TLN2: variants seen among roughly 807,000 people sequenced by gnomAD.
TLN2 encodes talin 2.
A neutral mutation model predicts 294.7 loss-of-function variants in TLN2; 118 were observed. That is an observed-to-expected ratio of 0.40 (90% CI 0.34 to 0.47). The LOEUF (loss-of-function observed/expected upper bound fraction) is 0.47. TLN2 is among the 20% of genes least tolerant of loss of function. TLN2 has a pLI of 0.84. For synonymous variants in TLN2, 1,431 were observed against 1,304.5 expected (o/e 1.10, Z -2.09); for missense variants, 3,083 against 3,282.2 (o/e 0.94, Z 1.48).
intron 1 of TLN2, among the ~76,000 whole-genome samples, chr15:62,482,083 G>A (rs117013299): frequency 0.017 from 2,636 of 151,996 alleles, 30 homozygotes; most frequent in Non-Finnish European, 0.027. Context: ...GTGAGCCACC[G>A]CACCTGGCTA....
intron 1 of TLN2, among the ~76,000 whole-genome samples, chr15:62,576,255 C>A (rs2044382557): frequency 1.1e-5 from 1 of 87,060 alleles, no homozygotes; most frequent in Non-Finnish European, 2.3e-5. Flanking sequence ...AAGAGTGAGA[C>A]CCCGTCTCAA....
chr15:62,507,048 G>T (rs2039657226), intron 1 of TLN2, among the ~76,000 whole-genome samples: 1 of 152,158 alleles, frequency 6.6e-6, no homozygotes, highest in African/African-American at 2.4e-5. Context: ...TTGGTCAGCT[G>T]ATATAAGGAT....
At chr15:62,772,921 C>A (rs931642807) in intron 42 of TLN2, among the ~76,000 whole-genome samples, 2 of 152,092 alleles carry the variant, frequency 1.3e-5, no homozygotes, top group East Asian at 3.9e-4. Context: ...TCCTCAGCCT[C>A]CCAAAGTGCT....
chr15:62,659,124 TG>T (rs1596535762), intron 9 of TLN2, among the ~76,000 whole-genome samples: 1 of 152,204 alleles, frequency 6.6e-6, no homozygotes, highest in East Asian at 1.9e-4. Context: ...GATGCCACCA[TG>T]GTCATTTTAT....
chr15:62,745,917 AC>A (rs1347747896), intron 32 of TLN2, among the ~76,000 whole-genome samples: 3 of 152,216 alleles, frequency 2.0e-5, no homozygotes, highest in Non-Finnish European at 4.4e-5. Context: ...GATCAGTATT[AC>A]CCAAGCATCT....
At chr15:62,413,651 A>T (rs976830005) in intron 1 of TLN2, among the ~76,000 whole-genome samples, 51 of 152,208 alleles carry the variant, frequency 3.4e-4, no homozygotes, top group African/African-American at 8.9e-4. Context: ...CTGCAGGGAC[A>T]GGTGCACATT....
At chr15:62,415,579 ACCCC>A (rs2034025943) in intron 1 of TLN2, among the ~76,000 whole-genome samples, 2 of 101,710 alleles carry the variant, frequency 2.0e-5, no homozygotes, top group Admixed American at 1.3e-4. Context: ...CATTCATTTA[ACCCC>A]TGCTTGCCCC....
chr15:62,716,226 A>G (rs533314770), intron 22 of TLN2, 105 bp from the exon 23 acceptor site: 24 of 1,266,354 alleles, frequency 1.9e-5, no homozygotes, highest in African/African-American at 6.2e-5. Flanking sequence ...GCATTTGACT[A>G]TCCTTGCAAA....
intron 1 of TLN2, among the ~76,000 whole-genome samples, chr15:62,470,096 G>A (rs1032389067): frequency 8.5e-5 from 13 of 152,184 alleles, no homozygotes; most frequent in Non-Finnish European, 1.6e-4. Context: ...AAGGACAAAG[G>A]GTTTCAGCAA....
intron 2 of TLN2, among the ~76,000 whole-genome samples, chr15:62,598,719 A>G (rs2046751887): frequency 6.6e-6 from 1 of 151,614 alleles, no homozygotes; most frequent in Non-Finnish European, 1.5e-5. Context: ...TTTTCTCTCC[A>G]TTCCTGAGAG....
chr15:62,753,246 G>A (rs2062034792), intron 35 of TLN2, among the ~76,000 whole-genome samples: 2 of 152,084 alleles, frequency 1.3e-5, no homozygotes, highest in South Asian at 4.1e-4. Flanking sequence ...ACAAAGTTAA[G>A]ATCCCTTCTG....
At chr15:62,697,582 G>A (rs1301747329) in intron 14 of TLN2, 106 bp from the exon 15 acceptor site, 5 of 1,274,494 alleles carry the variant, frequency 3.9e-6, no homozygotes, top group Admixed American at 2.5e-5. Context: ...CTTTTAGTTG[G>A]CCTTCACAGC....
At chr15:62,526,279 G>T (rs1019950277) in intron 1 of TLN2, among the ~76,000 whole-genome samples, 1 of 152,074 alleles carries the variant, frequency 6.6e-6, no homozygotes, top group Non-Finnish European at 1.5e-5. Flanking sequence ...ATAGGCATGT[G>T]CCACCATGCC....
intron 1 of TLN2, among the ~76,000 whole-genome samples, chr15:62,460,235 C>A (rs546186125): frequency 6.6e-6 from 1 of 152,188 alleles, no homozygotes; most frequent in Admixed American, 6.5e-5. Flanking sequence ...TGTGTTCACA[C>A]CTCACCTGAA....
At chr15:62,619,115 G>A (rs2140849717) in intron 3 of TLN2, among the ~76,000 whole-genome samples, 1 of 152,172 alleles carries the variant, frequency 6.6e-6, no homozygotes, top group East Asian at 1.9e-4. Flanking sequence ...GCATAGCAAT[G>A]AATCTAGGTT....
intron 15 of TLN2, among the ~76,000 whole-genome samples, chr15:62,698,421 G>A (rs990839728): frequency 6.6e-6 from 1 of 152,224 alleles, no homozygotes; most frequent in Non-Finnish European, 1.5e-5. Context: ...CGTGTTTCCT[G>A]TGCGTGAGGA....
At chr15:62,489,136 G>A (rs1396362583) in intron 1 of TLN2, among the ~76,000 whole-genome samples, 2 of 152,178 alleles carry the variant, frequency 1.3e-5, no homozygotes, top group African/African-American at 4.8e-5. Context: ...ACTCCAGCCT[G>A]GGTGACAGAG....
Position 62,761,700 on chromosome 15 carries a change from C to G in TLN2, c.4658C>G (p.Ser1553Cys). The G allele has an allele frequency of 6.2e-7, 1 of 1,614,170 alleles. No individual in the cohort carries two copies. The change falls in exon 38 of 59, where the codon TCT becomes TGT. Residue 1553 changes from serine to cysteine, a missense_variant. Ser to Cys is a moderately radical substitution (Grantham distance 112, BLOSUM62 -1). Coordinates refer to ENST00000636159, the MANE Select transcript of TLN2 (RefSeq NM_015059.3). ...KTIKALDGDF[S>C]EDNRNKCRIA... ...CATCAGGCCCTGGATGGGGATTTCT[C>G]TGAAGACAACCGCAATAAGTGTCGC...
intron 9 of TLN2, among the ~76,000 whole-genome samples, chr15:62,672,704 G>T (rs976759391): frequency 1.3e-5 from 2 of 152,136 alleles, no homozygotes; most frequent in Non-Finnish European, 2.9e-5. Context: ...CCAAGAGTCA[G>T]TGATTTATCT....
Sources: allele counts gnomAD v4.1 joint callset (sites outside exome capture counted in the v4.1 genomes callset), GRCh38; gene constraint gnomAD v4.1.1; transcripts MANE v1.5; gene names NCBI Gene and HGNC (gene_info 2026-07-23, HGNC 2026-07-21).